Variants in SLC44A5 observed in about 807,000 individuals in gnomAD.
The protein encoded by SLC44A5 is solute carrier family 44 member 5, also known as choline transporter-like protein 5.
Under a neutral mutation model 101.8 loss-of-function variants are expected in SLC44A5, and 57 were observed. That is an observed-to-expected ratio of 0.56 (90% confidence interval 0.45 to 0.70). The LOEUF (loss-of-function observed/expected upper bound fraction) is 0.70, where lower values mean the gene tolerates loss of function less well. Among genes scored for constraint, SLC44A5 ranks in the 30% least tolerant of loss-of-function variants. The pLI is 0.00. For missense variants in SLC44A5, 737 were observed against 853.1 expected (o/e 0.86, Z 1.70); for synonymous variants, 281 against 290.9 (o/e 0.97, Z 0.35).
At chr1:75,430,415 G>T (rs1013710948) in intron 2 of SLC44A5, among the ~76,000 whole-genome samples, 9 of 152,074 alleles carry the variant, frequency 5.9e-5, no homozygotes, top group Non-Finnish European at 7.3e-5. Flanking sequence ...TACCCAGTCT[G>T]TGGTATTTTG....
chr1:75,387,911 G>C (rs1182174217), intron 3 of SLC44A5, among the ~76,000 whole-genome samples: 4 of 147,858 alleles, frequency 2.7e-5, no homozygotes, highest in Non-Finnish European at 5.9e-5. Flanking sequence ...GTCCTTTGTA[G>C]GGACATGGAT....
intron 2 of SLC44A5, among the ~76,000 whole-genome samples, chr1:75,496,640 A>G (rs1304995347): frequency 6.6e-6 from 1 of 151,900 alleles, no homozygotes; most frequent in Admixed American, 6.6e-5. Context: ...GTGGGACTAC[A>G]TCATGCTAAA....
At chr1:75,378,610 G>A (rs1468739961) in intron 3 of SLC44A5, among the ~76,000 whole-genome samples, 12 of 84,456 alleles carry the variant, frequency 1.4e-4, no homozygotes, top group South Asian at 3.4e-4. Flanking sequence ...TAGCAGAGCC[G>A]GTAATGGCTC....
chr1:75,680,162 G>C, the SLC44A5 span, among the ~76,000 whole-genome samples: 6 of 152,046 alleles, frequency 3.9e-5, no homozygotes, highest in Non-Finnish European at 8.8e-5. Flanking sequence ...CATAAATAAT[G>C]GGAGGCTTTA....
chr1:75,428,765 A>C (rs1359472719), intron 2 of SLC44A5, among the ~76,000 whole-genome samples: 1 of 152,216 alleles, frequency 6.6e-6, no homozygotes, highest in Non-Finnish European at 1.5e-5. Context: ...TACTCATAAG[A>C]GTATGGCAAA....
At chr1:75,631,566 A>C in the SLC44A5 span, among the ~76,000 whole-genome samples, 9 of 35,624 alleles carry the variant, frequency 2.5e-4, no homozygotes, top group African/African-American at 1.1e-3. Flanking sequence ...TTTTTTTTTG[A>C]GACAGAGTTT....
rs35608663 is a variant in SLC44A5, at chr1:75,300,014, C to CAAAAAAAAAAA, written c.175+587_175+597dup. Among the ~76,000 whole-genome samples the CAAAAAAAAAAA allele has an allele frequency of 6.8e-4, 64 of 93,760 alleles. 2 individuals are homozygous for CAAAAAAAAAAA. Among genetic ancestry groups the CAAAAAAAAAAA allele is most frequent in the African/African-American group, 3.3e-3 (62 of 18,530 alleles). The allele number at this position is 93,760 out of a possible 152,430, so 61.5% of individuals were successfully genotyped here. A position where few individuals can be genotyped will look rare whatever the true frequency, so the allele number is the denominator to read the frequency against. ...CTGGGAACACAGTGAGACTCTGTCT[C>CAAAAAAAAAAA]AAAAAAAAAAAAAAAAAAAAAAAAA... On this transcript the variant is annotated intron_variant, in intron 5 of 23. Coordinates refer to ENST00000370859, the MANE Select transcript of SLC44A5 (RefSeq NM_001130058.2).
chr1:75,640,013 T>C, the SLC44A5 span, among the ~76,000 whole-genome samples: 1 of 152,064 alleles, frequency 6.6e-6, no homozygotes, highest in Non-Finnish European at 1.5e-5. Context: ...TTTAGGTCGT[T>C]GTACTGAAAG....
chr1:75,288,599 C>G (rs1176698084), intron 5 of SLC44A5, among the ~76,000 whole-genome samples: 1 of 152,186 alleles, frequency 6.6e-6, no homozygotes, highest in East Asian at 1.9e-4. Flanking sequence ...TACTGATTGG[C>G]AGTGCAGAGG....
At chr1:75,610,569 A>G (rs1046652456) in intron 1 of SLC44A5, among the ~76,000 whole-genome samples, 1 of 152,138 alleles carries the variant, frequency 6.6e-6, no homozygotes, top group African/African-American at 2.4e-5. Flanking sequence ...GCCATAGTGT[A>G]TGTCTTTATG....
At chr1:75,574,215 T>G (rs1220479032) in intron 1 of SLC44A5, among the ~76,000 whole-genome samples, 1 of 152,170 alleles carries the variant, frequency 6.6e-6, no homozygotes, top group Admixed American at 6.5e-5. Flanking sequence ...ATTTTCTGAG[T>G]TGCATTTTCA....
the SLC44A5 span, among the ~76,000 whole-genome samples, chr1:75,662,597 A>G: frequency 1.4e-3 from 211 of 152,278 alleles, 4 homozygotes; most frequent in Admixed American, 0.013. Context: ...TATTGTATGC[A>G]TGTATCAAAA....
In SLC44A5 at chr1:75,293,313, G is replaced by T. The variant is rs547066764; in HGVS notation, c.175+7299C>A. The stretch of plus-strand genomic sequence containing the variant: ...TGTTCTTGTTGTGCTCTAGGGTTGA[G>T]TCAGGAGTTGCAGCCATTTAAAAGC... On this transcript the variant is annotated intron_variant, in intron 5 of 23. Transcript: ENST00000370859. Among the ~76,000 whole-genome samples, 30 of 152,306 alleles carry T rather than the reference G, an allele frequency of 2.0e-4. No homozygotes were observed. The South Asian group carries it at 5.6e-3, about 28-fold the overall frequency.
At chr1:75,316,404 AGCCAGC>A (rs1655691100) in intron 4 of SLC44A5, among the ~76,000 whole-genome samples, 3 of 151,798 alleles carry the variant, frequency 2.0e-5, no homozygotes, top group Admixed American at 2.0e-4. Flanking sequence ...ACCTCTGTGA[AGCCAGC>A]TTAAATGTTA....
chr1:75,492,083 G>A (rs1320513792), intron 2 of SLC44A5, among the ~76,000 whole-genome samples: 1 of 152,126 alleles, frequency 6.6e-6, no homozygotes, highest in Non-Finnish European at 1.5e-5. Flanking sequence ...ACAGGGATGT[G>A]CCGGGCCCTG....
intron 1 of SLC44A5, among the ~76,000 whole-genome samples, chr1:75,609,340 A>G (rs1444611865): frequency 6.6e-6 from 1 of 151,920 alleles, no homozygotes; most frequent in Non-Finnish European, 1.5e-5. Flanking sequence ...AAAAATTTAT[A>G]TATTTATGGT....
the SLC44A5 span, among the ~76,000 whole-genome samples, chr1:75,720,666 T>C: frequency 1.3e-5 from 2 of 152,286 alleles, no homozygotes; most frequent in South Asian, 4.1e-4. Flanking sequence ...TGAAGAGATT[T>C]ATTCCGAGCC....
intron 2 of SLC44A5, among the ~76,000 whole-genome samples, chr1:75,471,343 A>T (rs1667096696): frequency 6.6e-6 from 1 of 151,488 alleles, no homozygotes; most frequent in Non-Finnish European, 1.5e-5. Context: ...AAAAATTTCA[A>T]ATCCCTCTCC....
chr1:75,251,723 T>C (rs1649595691), intron 6 of SLC44A5, among the ~76,000 whole-genome samples: 1 of 152,232 alleles, frequency 6.6e-6, no homozygotes, highest in East Asian at 1.9e-4. Context: ...GTTGGGATTA[T>C]ATTGCTTAGT....
Sources: gnomAD v4.1 joint callset for allele counts (sites outside exome capture counted in the v4.1 genomes callset) on GRCh38, gnomAD v4.1.1 for gene constraint, MANE v1.5 for transcripts, NCBI Gene and HGNC (gene_info 2026-07-23, HGNC 2026-07-21) for gene names.